PLA1A: variants seen among roughly 807,000 people sequenced by gnomAD.
PLA1A encodes the protein phospholipase A1 member A, also known as phosphatidylserine-specific phospholipase A1alpha.
Under a neutral mutation model 49.4 loss-of-function variants are expected in PLA1A, and 47 were observed. That is an observed-to-expected ratio of 0.95 (90% CI 0.75 to 1.21). The LOEUF is 1.21. PLA1A is among the 50% of genes most tolerant of loss of function. PLA1A has a pLI of 0.00. For synonymous variants in PLA1A, 224 were observed against 207.9 expected, an observed-to-expected ratio of 1.08 and a Z score of -0.67; for missense variants, 561 against 563.9, an observed-to-expected ratio of 0.99 and a Z score of 0.05.
At chr3:119,627,292 C>A (rs1438860490) in intron 9 of PLA1A, among the ~76,000 whole-genome samples, 1 of 152,190 alleles carries the variant, frequency 6.6e-6, no homozygotes, top group Non-Finnish European at 1.5e-5. Context: ...TTATGCGACG[C>A]TAAGATTTCC....
At chr3:119,612,549 C>T (rs191675760) in intron 4 of PLA1A, among the ~76,000 whole-genome samples, 1 of 151,732 alleles carries the variant, frequency 6.6e-6, no homozygotes, top group Non-Finnish European at 1.5e-5. Flanking sequence ...AGTGCAGTGG[C>T]GCGATCTTGG....
At position 119,619,710 on chromosome 3, in the gene PLA1A, G is replaced by T. The variant is rs555161347; in HGVS notation, c.1012+58G>T. Reference sequence around the variant, plus strand: ...GCCAGGGCACCACCAGAGGAGTCCAGCCCAGTGTGGTAGCCTGGGTGGGAG... The same window carrying T: ...GCCAGGGCACCACCAGAGGAGTCCATCCCAGTGTGGTAGCCTGGGTGGGAG... On this transcript the variant is annotated intron_variant, in intron 8 of 10. Transcript: ENST00000273371. The T allele has an allele frequency of 2.6e-6, 3 of 1,145,472 alleles. No individual in the cohort carries two copies. The African/African-American group carries it at 4.5e-5, about 17-fold the overall frequency. The allele number at this position is 1,145,472 out of a possible 1,614,324, so 71.0% of individuals were successfully genotyped here. A position where few individuals can be genotyped will look rare whatever the true frequency, so the allele number is the denominator to read the frequency against.
chr3:119,602,725 T>C (rs548814369), intron 1 of PLA1A, among the ~76,000 whole-genome samples: 125 of 152,292 alleles, frequency 8.2e-4, no homozygotes, highest in African/African-American at 2.7e-3. Context: ...AAAATAAGTA[T>C]AATAACTTGG....
intron 1 of PLA1A, chr3:119,600,437 CTA>C: frequency 1.4e-6 from 1 of 702,620 alleles, no homozygotes; most frequent in Non-Finnish European, 2.6e-6. Context: ...CTCTCAGTAC[CTA>C]TGTTTCCTGG....
At chr3:119,608,968 G>C in intron 3 of PLA1A, 21 bp downstream of exon 3, 3 of 1,603,216 alleles carry the variant, frequency 1.9e-6, no homozygotes, top group Non-Finnish European at 2.6e-6. Flanking sequence ...AAGAGCTTAG[G>C]GTGAGTTTGG....
At position 119,622,103 on chromosome 3, in the gene PLA1A, A is replaced by AAGAAGAAGAAGG. The variant is rs1553794013; in HGVS notation, c.1012+2456_1012+2457insAAGAAGGAGAAG. ...TTTCTGAAGAAAGAAGAAGAAGAAGAAGAAGGAGAAGGAGAAGGAGAAGAA... is the reference window on the plus strand; with the variant it reads ...TTTCTGAAGAAAGAAGAAGAAGAAGAAGAAGAAGAAGGAGAAGGAGAAGGAGAAGGAGAAGAA... On this transcript the variant is annotated intron_variant, in intron 8 of 10. Transcript: ENST00000273371. Among the ~76,000 whole-genome samples, 52 of 147,364 alleles carry AAGAAGAAGAAGG rather than the reference A, an allele frequency of 3.5e-4. 1 individual carries two copies. The highest frequency in any genetic ancestry group is 9.5e-4 in the African/African-American group (37 of 39,118).
intron 8 of PLA1A, 77 bp downstream of exon 8, chr3:119,619,729 G>T: frequency 9.9e-7 from 1 of 1,007,614 alleles, no homozygotes; most frequent in Non-Finnish European, 1.6e-6. Context: ...GGTAGCCTGG[G>T]TGGGAGTGAA....
intron 9 of PLA1A, 94 bp from the exon 10 acceptor site, chr3:119,628,607 C>A: frequency 8.7e-7 from 1 of 1,150,596 alleles, no homozygotes; most frequent in Non-Finnish European, 1.3e-6. Context: ...TGACAGCCAA[C>A]CAGTGCCACC....
chr3:119,615,932 C>A, intron 5 of PLA1A, 80 bp from the exon 6 acceptor site: 2 of 832,852 alleles, frequency 2.4e-6, no homozygotes, highest in Non-Finnish European at 4.1e-6. Context: ...AGTGGGTGGG[C>A]TCCCAAGGTC....
rs12023 is a variant in PLA1A, at chr3:119,629,739, G to A, written c.*271G>A. ...ACTTGCTTTATCTCCTTGGGCATTCGTACTTAGGATTCAATAGAAACATGT... is the reference window on the plus strand; with the variant it reads ...ACTTGCTTTATCTCCTTGGGCATTCATACTTAGGATTCAATAGAAACATGT... On this transcript the variant is annotated 3_prime_UTR_variant, in exon 11 of 11. Transcript: ENST00000273371. 19 of 406,636 alleles carry A rather than the reference G, an allele frequency of 4.7e-5. No individual in the cohort carries two copies. Among genetic ancestry groups the A allele is most frequent in the Admixed American group, 2.8e-4 (7 of 25,370 alleles). The allele number at this position is 406,636 out of a possible 1,614,324, so 25.2% of individuals were successfully genotyped here. A position where few individuals can be genotyped will look rare whatever the true frequency, so the allele number is the denominator to read the frequency against.
intron 1 of PLA1A, among the ~76,000 whole-genome samples, chr3:119,599,980 G>A (rs1435475166): frequency 3.3e-5 from 5 of 152,188 alleles, no homozygotes; most frequent in African/African-American, 1.2e-4. Context: ...GTGCGTGTGT[G>A]TGTGTGTGTG....
chr3:119,625,363 G>T (rs530717051), intron 9 of PLA1A, 131 bp downstream of exon 9: 1 of 623,656 alleles, frequency 1.6e-6, no homozygotes, highest in East Asian at 2.9e-5. Flanking sequence ...TTGGCTGGGG[G>T]CAGCACCTAC....
rs1398665645 is a variant in PLA1A, at chr3:119,606,763, T to C, written c.74-11T>C. 1 of 1,611,410 alleles carries C rather than the reference T, an allele frequency of 6.2e-7. No individual in the cohort carries two copies. Among genetic ancestry groups the C allele is most frequent in the Admixed American group, 1.7e-5 (1 of 59,986 alleles). ...CTTGGATGTTGCTTGTTTTGTTTTG[T>C]TTTCCTCCAGGGGATGCACCTCCTA... On this transcript the variant is annotated splice_polypyrimidine_tract_variant and intron_variant, in intron 1 of 10. Transcript: ENST00000273371.
chr3:119,600,134 G>A, intron 1 of PLA1A: 2 of 485,074 alleles, frequency 4.1e-6, no homozygotes, highest in Admixed American at 3.3e-5. Context: ...CAAATGATCG[G>A]GAGGGAGGAG....
At chr3:119,607,061 G>T in intron 2 of PLA1A, 86 bp downstream of exon 2, 1 of 1,093,636 alleles carries the variant, frequency 9.1e-7, no homozygotes, top group Non-Finnish European at 1.4e-6. Context: ...GCAACAAGGG[G>T]AGGAATGAAT....
Position 119,609,527 on chromosome 3 carries a change from TG to T in PLA1A, c.518del (p.Gly173AlafsTer84), listed in dbSNP as rs2082737353. 1.9e-6 allele frequency: 3 copies of T among 1,613,004 alleles called. No individual in the cohort carries two copies. The highest frequency in any genetic ancestry group is 2.5e-6 in the Non-Finnish European group (3 of 1,179,164). On this transcript the variant is annotated frameshift_variant, in exon 4 of 11. Transcript: ENST00000273371. LOFTEE classifies it high-confidence loss of function. ...IIGVSLGAHV[G>X]GMVGQLFGGQ... is the part of the protein sequence containing the mutation. ...TTGGTGTTAGCCTGGGGGCCCACGT[TG>T]GGGGCATGGTGGGACAGCTCTTCGG...
chr3:119,603,376 A>C (rs900300836), intron 1 of PLA1A, among the ~76,000 whole-genome samples: 4 of 152,236 alleles, frequency 2.6e-5, no homozygotes, highest in Non-Finnish European at 4.4e-5. Flanking sequence ...GGGATGTGAG[A>C]GATAGGAAAG....
chr3:119,608,241 A>G (rs1200645313), intron 2 of PLA1A, among the ~76,000 whole-genome samples: 1 of 135,874 alleles, frequency 7.4e-6, no homozygotes, highest in Non-Finnish European at 1.6e-5. Flanking sequence ...AGAAAGAAAG[A>G]GAGAAAGAAA....
At chr3:119,619,492 C>T (rs939868075) in intron 7 of PLA1A, 71 bp from the exon 8 acceptor site, 13 of 967,770 alleles carry the variant, frequency 1.3e-5, no homozygotes, top group African/African-American at 4.8e-5. Context: ...TTAATAAACA[C>T]GTGGCTGGGT....
Sources: gnomAD v4.1 joint callset for allele counts (sites outside exome capture counted in the v4.1 genomes callset) on GRCh38, gnomAD v4.1.1 for gene constraint, MANE v1.5 for transcripts, NCBI Gene and HGNC (gene_info 2026-07-23, HGNC 2026-07-21) for gene names.